The following TMEM217B variants were observed in gnomAD, a reference collection of about 807,000 sequenced individuals.
TMEM217B encodes transmembrane protein 217B.
chr6:37,226,459 ATT>A, the TMEM217B span, among the ~76,000 whole-genome samples: 1 of 144,042 alleles, frequency 6.9e-6, no homozygotes. Flanking sequence ...CGCCCAGCTA[ATT>A]TTTTTTTTTG....
chr6:37,257,807 G>A, the TMEM217B span: 3 of 1,216,556 alleles, frequency 2.5e-6, no homozygotes, highest in Non-Finnish European at 3.5e-6. Context: ...CTGGGAGCGG[G>A]TGACCGGCGG....
At chr6:37,256,172 G>A in the TMEM217B span, among the ~76,000 whole-genome samples, 2 of 152,216 alleles carry the variant, frequency 1.3e-5, no homozygotes, top group African/African-American at 4.8e-5. Flanking sequence ...TCACATGGAT[G>A]AGTGTATGGC....
the TMEM217B span, chr6:37,213,044 C>A: frequency 2.3e-6 from 3 of 1,296,846 alleles, no homozygotes; most frequent in African/African-American, 3.0e-5. Context: ...GCAGAGGTAG[C>A]CTTAGACAAA....
the TMEM217B span, among the ~76,000 whole-genome samples, chr6:37,223,020 C>G: frequency 2.6e-5 from 4 of 152,056 alleles, no homozygotes; most frequent in Admixed American, 2.6e-4. Flanking sequence ...GCAGGTTGGA[C>G]ACAGATTAAG....
At chr6:37,226,577 G>A in the TMEM217B span, among the ~76,000 whole-genome samples, 8 of 150,520 alleles carry the variant, frequency 5.3e-5, no homozygotes, top group South Asian at 2.1e-4. Flanking sequence ...GATTACAGGC[G>A]TGAGCCACTG....
the TMEM217B span, among the ~76,000 whole-genome samples, chr6:37,250,551 G>A: frequency 6.6e-6 from 1 of 152,244 alleles, no homozygotes; most frequent in Non-Finnish European, 1.5e-5. Context: ...AGTGGAAGTT[G>A]TACATGTTCT....
chr6:37,252,301 C>T, the TMEM217B span, among the ~76,000 whole-genome samples: 1 of 152,064 alleles, frequency 6.6e-6, no homozygotes, highest in Non-Finnish European at 1.5e-5. Context: ...TTTATTATTA[C>T]ACAGCCCCGA....
chr6:37,218,165 C>T, the TMEM217B span: 2 of 1,157,406 alleles, frequency 1.7e-6, no homozygotes, highest in East Asian at 9.7e-5. Context: ...GATAAAGCTG[C>T]TAACTTTTTT....
At chr6:37,247,860 C>G in the TMEM217B span, among the ~76,000 whole-genome samples, 2 of 152,296 alleles carry the variant, frequency 1.3e-5, no homozygotes, top group East Asian at 1.9e-4. Flanking sequence ...AACTCTTAGA[C>G]ATTTCCAATA....
chr6:37,229,335 G>GTTTTTTTTTTTTTTTTT, the TMEM217B span, among the ~76,000 whole-genome samples: 3 of 74,366 alleles, frequency 4.0e-5, no homozygotes, highest in Non-Finnish European at 4.7e-5. Context: ...GCAACTTTCA[G>GTTTTTTTTTTTTTTTTT]TTTTTTTTTT....
the TMEM217B span, among the ~76,000 whole-genome samples, chr6:37,214,032 C>G: frequency 6.6e-6 from 1 of 152,212 alleles, no homozygotes; most frequent in Non-Finnish European, 1.5e-5. Context: ...TCCAGCCAGG[C>G]AGAGCACAGA....
chr6:37,254,391 T>A, the TMEM217B span, among the ~76,000 whole-genome samples: 4 of 152,194 alleles, frequency 2.6e-5, no homozygotes, highest in Non-Finnish European at 4.4e-5. Flanking sequence ...CTATCAGCCC[T>A]TTGATGACAG....
the TMEM217B span, among the ~76,000 whole-genome samples, chr6:37,245,770 C>T: frequency 6.6e-6 from 1 of 150,760 alleles, no homozygotes; most frequent in East Asian, 2.0e-4. Context: ...CTACTAGCCT[C>T]TCATTTTCTT....
the TMEM217B span, among the ~76,000 whole-genome samples, chr6:37,252,121 G>C: frequency 6.6e-6 from 1 of 152,204 alleles, no homozygotes; most frequent in African/African-American, 2.4e-5. Context: ...TCGAACTCCT[G>C]ACCTCAGGTG....
the TMEM217B span, among the ~76,000 whole-genome samples, chr6:37,248,250 A>G: frequency 1.3e-5 from 2 of 152,112 alleles, no homozygotes; most frequent in African/African-American, 4.8e-5. Flanking sequence ...CTTGTTGAGG[A>G]CAGGGGCTGT....
chr6:37,218,792 C>A, the TMEM217B span: 1 of 1,614,146 alleles, frequency 6.2e-7, no homozygotes, highest in Non-Finnish European at 8.5e-7. Flanking sequence ...CAGGAGGAAG[C>A]AGCTGATGAG....
At chr6:37,237,031 A>C in the TMEM217B span, among the ~76,000 whole-genome samples, 3 of 152,298 alleles carry the variant, frequency 2.0e-5, no homozygotes, top group Non-Finnish European at 1.5e-5. Flanking sequence ...AAAAAGAGCA[A>C]GCCAGATGGA....
chr6:37,218,691 G>C, the TMEM217B span: 1 of 1,614,080 alleles, frequency 6.2e-7, no homozygotes, highest in South Asian at 1.1e-5. Context: ...TTGTTGGTGA[G>C]GATTTGTATT....
At chr6:37,246,969 A>C in the TMEM217B span, among the ~76,000 whole-genome samples, 1 of 152,070 alleles carries the variant, frequency 6.6e-6, no homozygotes, top group Non-Finnish European at 1.5e-5. Context: ...AGTACCTATC[A>C]GGCATGGTTA....
Sources: allele counts gnomAD v4.1 joint callset (sites outside exome capture counted in the v4.1 genomes callset), GRCh38; gene constraint gnomAD v4.1.1; transcripts MANE v1.5; gene names NCBI Gene and HGNC (gene_info 2026-07-23, HGNC 2026-07-21).